The following ALMS1 variants were observed in gnomAD, a reference collection of about 807,000 sequenced individuals.
ALMS1 encodes centrosome-associated protein ALMS1.
Under a neutral mutation model 352.2 loss-of-function variants are expected in ALMS1, and 271 were observed. The ratio of observed to expected loss-of-function variants is 0.77; its 90% CI spans 0.70 to 0.85. The LOEUF (loss-of-function observed/expected upper bound fraction) is 0.85, where lower values mean the gene tolerates loss of function less well. Among genes scored for constraint, ALMS1 ranks in the 40% least tolerant of loss-of-function variants. The pLI is 0.00. For synonymous variants in ALMS1, 1,865 were observed against 1,761.2 expected (o/e 1.06, Z -1.48); for missense variants, 5,445 against 4,870.7 (o/e 1.12, Z -3.51).
At chr2:73,464,450 A>G (rs1558656231) in intron 9 of ALMS1, among the ~76,000 whole-genome samples, 1 of 152,240 alleles carries the variant, frequency 6.6e-6, no homozygotes, top group Non-Finnish European at 1.5e-5. Context: ...GTATCTCAAA[A>G]TAATAAGAGC....
At chr2:73,595,398 A>G (rs966238702) in intron 16 of ALMS1, among the ~76,000 whole-genome samples, 6 of 152,168 alleles carry the variant, frequency 3.9e-5, no homozygotes, top group African/African-American at 1.4e-4. Context: ...ATATAGCATC[A>G]GATGTGGTCT....
At chr2:73,429,260 C>A (rs1241333152) in intron 6 of ALMS1, among the ~76,000 whole-genome samples, 1 of 148,722 alleles carries the variant, frequency 6.7e-6, no homozygotes, top group Non-Finnish European at 1.5e-5. Context: ...TTCTTGGTAG[C>A]AGCACATAAT....
intron 19 of ALMS1, among the ~76,000 whole-genome samples, 153 bp downstream of exon 19, chr2:73,601,589 G>T (rs538579091): frequency 1.1e-4 from 16 of 152,364 alleles, no homozygotes; most frequent in African/African-American, 3.1e-4. Flanking sequence ...ACGCACGAGG[G>T]TTGGGTTTCT....
At chr2:73,412,638 A>G (rs1468507734) in intron 2 of ALMS1, among the ~76,000 whole-genome samples, 1 of 152,132 alleles carries the variant, frequency 6.6e-6, no homozygotes, top group African/African-American at 2.4e-5. Context: ...TCTACTAAAA[A>G]TATAAAAATT....
At chr2:73,559,777 G>A (rs556074028) in intron 15 of ALMS1, among the ~76,000 whole-genome samples, 37 of 152,190 alleles carry the variant, frequency 2.4e-4, no homozygotes, top group Non-Finnish European at 4.9e-4. Context: ...CTACACAATG[G>A]GGAAAGGATA....
At chr2:73,443,494 A>G (rs1421227522) in intron 7 of ALMS1, among the ~76,000 whole-genome samples, 1 of 152,202 alleles carries the variant, frequency 6.6e-6, no homozygotes, top group East Asian at 1.9e-4. Flanking sequence ...TCTTTAAGAA[A>G]GAGCCAGATA....
At chr2:73,608,065 T>C (rs1303065244) in intron 21 of ALMS1, among the ~76,000 whole-genome samples, 1 of 152,204 alleles carries the variant, frequency 6.6e-6, no homozygotes, top group Non-Finnish European at 1.5e-5. Flanking sequence ...GAACATTTTA[T>C]AGGTGTGACC....
rs771131940 is a variant in ALMS1, at chr2:73,451,776, G to T, written c.5249G>T (p.Gly1750Val). Residue 1750 changes from glycine (G) to valine (V), a missense_variant, in exon 8 of 23, where the codon GGG becomes GTG. Gly to Val is a moderately radical substitution (Grantham distance 109, BLOSUM62 -3). Coordinates refer to ENST00000613296, the MANE Select transcript of ALMS1 (RefSeq NM_001378454.1). ...AVPQPADQKT[G>V]LSTVTSSFYS... is the part of the protein sequence containing the mutation. The stretch of plus-strand genomic sequence containing the variant: ...CCTCAACCAGCTGACCAGAAGACTG[G>T]GTTATCTACTGTAACTTCCTCTTTC... The T allele has an allele frequency of 6.2e-7, 1 of 1,614,040 alleles. No homozygotes were observed. Among genetic ancestry groups the T allele is most frequent in the South Asian group, 1.1e-5 (1 of 91,080 alleles).
At chr2:73,560,835 A>T (rs999413059) in intron 15 of ALMS1, among the ~76,000 whole-genome samples, 2 of 152,228 alleles carry the variant, frequency 1.3e-5, no homozygotes, top group Admixed American at 1.3e-4. Flanking sequence ...TAAATACCAT[A>T]TGGTTTCTCG....
chr2:73,461,797 A>G (rs1672209402), intron 9 of ALMS1, among the ~76,000 whole-genome samples: 1 of 152,234 alleles, frequency 6.6e-6, no homozygotes, highest in Non-Finnish European at 1.5e-5. Flanking sequence ...CGCGAGAACC[A>G]TGTGAAGAAT....
chr2:73,556,645 G>GT (rs1411860021), intron 13 of ALMS1, among the ~76,000 whole-genome samples: 171 of 136,602 alleles, frequency 1.3e-3, no homozygotes, highest in Admixed American at 3.7e-3. Context: ...TTTTTTTTTT[G>GT]TTTTTTTTTT....
rs575930279 is a variant in ALMS1 at position 73,389,018 on chromosome 2, A to G, written c.324+2826A>G. On this transcript the variant is annotated intron_variant, in intron 1 of 22. Coordinates refer to ENST00000613296, the MANE Select transcript of ALMS1 (RefSeq NM_001378454.1). ...GTTTTGAGTTCTTCAAGAAATCTCC[A>G]TACTGCTTTCCATAGGAGTTGAACA... Among the ~76,000 whole-genome samples the G allele has an allele frequency of 4.6e-5, 7 of 152,336 alleles. No individual in the cohort carries two copies. In the East Asian group the frequency reaches 9.6e-4, roughly 21 times the overall value.
chr2:73,596,412 T>C (rs1166782968), intron 16 of ALMS1, among the ~76,000 whole-genome samples: 1 of 152,104 alleles, frequency 6.6e-6, no homozygotes. Flanking sequence ...CACTAATTGA[T>C]CACATATGTA....
chr2:73,539,806 G>A (rs191523474), intron 12 of ALMS1, among the ~76,000 whole-genome samples: 11 of 152,230 alleles, frequency 7.2e-5, no homozygotes, highest in East Asian at 1.9e-4. Flanking sequence ...GAAATCAAGC[G>A]AGAAGAGAAG....
chr2:73,609,645 C>G lies in ALMS1; in HGVS notation c.*33C>G, dbSNP rs1675897126. ...TTATTTTCCTCAGAGCCTTGGAATT[C>G]TATTTTATGAACCTAGAGAAGCAGA... On this transcript the variant is annotated 3_prime_UTR_variant, in exon 23 of 23. Transcript: ENST00000613296. The G allele has an allele frequency of 6.2e-7, 1 of 1,604,650 alleles. No homozygotes were observed. Among genetic ancestry groups the G allele is most frequent in the Non-Finnish European group, 8.5e-7 (1 of 1,171,390 alleles).
chr2:73,397,588 C>A (rs1030904921), intron 1 of ALMS1, among the ~76,000 whole-genome samples: 1 of 152,126 alleles, frequency 6.6e-6, no homozygotes, highest in Non-Finnish European at 1.5e-5. Context: ...CTGCCTCAGC[C>A]TCCTGAGTAG....
intron 1 of ALMS1, among the ~76,000 whole-genome samples, chr2:73,402,039 TGTGTGTGTGTGA>T (rs1670883422): frequency 7.2e-6 from 1 of 138,738 alleles, no homozygotes; most frequent in Admixed American, 7.1e-5. Flanking sequence ...GTGTTATGTG[TGTGTGTGTGTGA>T]GTGTGAGTGT....
chr2:73,538,725 C>G (rs765561437), intron 12 of ALMS1, among the ~76,000 whole-genome samples: 3 of 152,190 alleles, frequency 2.0e-5, no homozygotes, highest in South Asian at 4.1e-4. Flanking sequence ...AAATGGCACA[C>G]CAGGAGATTA....
At chr2:73,406,514 T>G (rs918288776) in intron 1 of ALMS1, among the ~76,000 whole-genome samples, 4 of 151,892 alleles carry the variant, frequency 2.6e-5, no homozygotes, top group Admixed American at 2.0e-4. Context: ...TCTTTGTGTT[T>G]AGTCAATTTT....
Sources: allele counts gnomAD v4.1 joint callset (sites outside exome capture counted in the v4.1 genomes callset), GRCh38; gene constraint gnomAD v4.1.1; transcripts MANE v1.5; gene names NCBI Gene and HGNC (gene_info 2026-07-23, HGNC 2026-07-21).